The following AKR1C8 variants were observed in gnomAD, a reference collection of about 807,000 sequenced individuals.
AKR1C8 encodes aldo-keto reductase family 1 member C8, also known as aldo-keto reductase family 1 member C-like protein 1.
the AKR1C8 span, among the ~76,000 whole-genome samples, chr10:5,139,591 T>G: frequency 6.6e-6 from 1 of 152,206 alleles, no homozygotes; most frequent in Non-Finnish European, 1.5e-5. Context: ...GAAAACTGGC[T>G]AGCCATATAT....
chr10:5,145,083 G>T, the AKR1C8 span, among the ~76,000 whole-genome samples: 5,008 of 151,486 alleles, frequency 0.033, 275 homozygotes, highest in African/African-American at 0.12. Flanking sequence ...AGCATGAAGG[G>T]TTGTTGAATT....
the AKR1C8 span, among the ~76,000 whole-genome samples, chr10:5,175,116 C>A: frequency 5.5e-5 from 7 of 126,300 alleles, no homozygotes; most frequent in Admixed American, 5.8e-4. Context: ...TATCCCTCCC[C>A]CCTCCCCCCT....
At chr10:5,146,973 C>G in the AKR1C8 span, among the ~76,000 whole-genome samples, 1 of 152,062 alleles carries the variant, frequency 6.6e-6, no homozygotes, top group Non-Finnish European at 1.5e-5. Context: ...TAAAGGCATA[C>G]CCGAAGGTGA....
At chr10:5,146,236 TA>T in the AKR1C8 span, among the ~76,000 whole-genome samples, 2 of 148,634 alleles carry the variant, frequency 1.3e-5, no homozygotes, top group African/African-American at 4.9e-5. Context: ...CATTGGGAGA[TA>T]TACCGAATGC....
the AKR1C8 span, among the ~76,000 whole-genome samples, chr10:5,172,219 T>C: frequency 3.3e-5 from 5 of 152,134 alleles, no homozygotes; most frequent in Non-Finnish European, 7.4e-5. Context: ...ACAACATTTC[T>C]TGCATAAATT....
At chr10:5,167,226 T>C in the AKR1C8 span, among the ~76,000 whole-genome samples, 1 of 152,186 alleles carries the variant, frequency 6.6e-6, no homozygotes. Flanking sequence ...GTCAGTATGG[T>C]GATTCCTCAG....
At chr10:5,121,987 C>A in the AKR1C8 span, 1 of 223,374 alleles carries the variant, frequency 4.5e-6, no homozygotes, top group South Asian at 5.5e-5. Flanking sequence ...CACCCCATGC[C>A]TGAATTCAGG....
chr10:5,183,540 A>G, the AKR1C8 span, among the ~76,000 whole-genome samples: 2 of 152,202 alleles, frequency 1.3e-5, no homozygotes, highest in African/African-American at 2.4e-5. Flanking sequence ...ACACATAAAC[A>G]TATCTTTCTT....
the AKR1C8 span, among the ~76,000 whole-genome samples, chr10:5,136,311 GC>G: frequency 9.9e-5 from 15 of 152,142 alleles, no homozygotes; most frequent in African/African-American, 3.4e-4. Flanking sequence ...ACTTTGGGAG[GC>G]TGAGGTAGGT....
chr10:5,156,470 A>T, the AKR1C8 span, among the ~76,000 whole-genome samples: 2 of 151,982 alleles, frequency 1.3e-5, no homozygotes, highest in Non-Finnish European at 2.9e-5. Context: ...TTTTGGTTAA[A>T]AAAAAAATGC....
At chr10:5,153,932 T>C in the AKR1C8 span, among the ~76,000 whole-genome samples, 1 of 152,344 alleles carries the variant, frequency 6.6e-6, no homozygotes, top group African/African-American at 2.4e-5. Context: ...TTTTTTTGTA[T>C]TTTTTATTTT....
At chr10:5,120,868 T>C in the AKR1C8 span, among the ~76,000 whole-genome samples, 1 of 152,146 alleles carries the variant, frequency 6.6e-6, no homozygotes, top group Non-Finnish European at 1.5e-5. Context: ...ATTCTACCAG[T>C]TTGGAGTGTA....
chr10:5,172,976 G>A, the AKR1C8 span, among the ~76,000 whole-genome samples: 1 of 151,998 alleles, frequency 6.6e-6, no homozygotes, highest in Non-Finnish European at 1.5e-5. Flanking sequence ...CAATTTTTAG[G>A]GCCTAATAAA....
At chr10:5,118,269 A>C in the AKR1C8 span, among the ~76,000 whole-genome samples, 1 of 152,214 alleles carries the variant, frequency 6.6e-6, no homozygotes, top group Non-Finnish European at 1.5e-5. Flanking sequence ...GGACTCATGG[A>C]AATCAGAATT....
the AKR1C8 span, among the ~76,000 whole-genome samples, chr10:5,116,246 C>T: frequency 6.6e-6 from 1 of 152,114 alleles, no homozygotes; most frequent in Non-Finnish European, 1.5e-5. Flanking sequence ...ACCCTGTTGA[C>T]TTAAAGGTAG....
the AKR1C8 span, among the ~76,000 whole-genome samples, chr10:5,120,368 A>G: frequency 2.7e-5 from 1 of 36,510 alleles, no homozygotes; most frequent in African/African-American, 3.1e-4. Flanking sequence ...TAATTCCTCT[A>G]GTGCCACTGG....
the AKR1C8 span, chr10:5,155,637 G>T: frequency 2.2e-6 from 1 of 449,290 alleles, no homozygotes; most frequent in Non-Finnish European, 4.6e-6. Flanking sequence ...GCATACTACA[G>T]AAAACAGCCT....
chr10:5,166,595 C>G, the AKR1C8 span, among the ~76,000 whole-genome samples: 1 of 152,120 alleles, frequency 6.6e-6, no homozygotes, highest in Non-Finnish European at 1.5e-5. Flanking sequence ...ATGTAGAAAG[C>G]TGAAACTGGA....
At chr10:5,170,238 A>G in the AKR1C8 span, among the ~76,000 whole-genome samples, 1 of 152,186 alleles carries the variant, frequency 6.6e-6, no homozygotes, top group Non-Finnish European at 1.5e-5. Context: ...TGTAGCAAGA[A>G]AAATTAGAAT....
Sources: gnomAD v4.1 joint callset for allele counts (sites outside exome capture counted in the v4.1 genomes callset) on GRCh38, gnomAD v4.1.1 for gene constraint, MANE v1.5 for transcripts, NCBI Gene and HGNC (gene_info 2026-07-23, HGNC 2026-07-21) for gene names.